HLA-G: variants seen among roughly 807,000 people sequenced by gnomAD.
HLA-G encodes HLA class I histocompatibility antigen, alpha chain G.
In HLA-G, 34 loss-of-function variants were observed where a neutral mutation model predicts 39.3. The observed-to-expected ratio is 0.86, with a 90% CI of 0.66 to 1.15. HLA-G has a LOEUF of 1.15. HLA-G is among the 50% of genes most tolerant of loss of function. The pLI is 0.00. For missense variants in HLA-G, 419 were observed against 456.4 expected (o/e 0.92, Z 0.75); for synonymous variants, 183 against 185.8 (o/e 0.99, Z 0.12).
upstream of HLA-G, chr6:29,827,795 T>C (rs1760793002): frequency 2.5e-6 from 4 of 1,571,636 alleles, no homozygotes; most frequent in East Asian, 9.0e-5. Flanking sequence ...CGGTCCTGGT[T>C]CTAAAGTCCT....
In HLA-G at chr6:29,829,690, T is replaced by C. The variant is rs765275727; in HGVS notation, c.892T>C (p.Trp298Arg). The part of the protein sequence containing the change: ...EGLPEPLMLR[W>R]KQSSLPTIPI... ...GCTGCCGGAGCCCCTCATGCTGAGA[T>C]GGAGTAAGGAGGGAGATGGAGGCAT... The change falls in exon 4 of 7, where the codon TGG becomes CGG. Residue 298 changes from tryptophan (W) to arginine (R), a missense_variant. Around this residue, in one of 2 missense-constraint regions of HLA-G, gnomAD observed 328 missense variants for 323.0 expected, o/e 1.02. Coordinates refer to ENST00000360323, the MANE Select transcript of HLA-G (RefSeq NM_001384290.1). 1 of 1,612,192 alleles carries C rather than the reference T, an allele frequency of 6.2e-7. No homozygotes were observed. Among genetic ancestry groups the C allele is most frequent in the African/African-American group, 1.3e-5 (1 of 74,536 alleles).
upstream of HLA-G, chr6:29,827,755 G>T (rs924682241): frequency 6.8e-6 from 9 of 1,327,518 alleles, no homozygotes; most frequent in Non-Finnish European, 9.7e-6. Flanking sequence ...TTAGGTGACA[G>T]GTTTTTAGAG....
At chr6:29,828,356 C>A (rs773460671) in intron 2 of HLA-G, 40 bp downstream of exon 2, 3 of 1,582,864 alleles carry the variant, frequency 1.9e-6, no homozygotes, top group African/African-American at 1.4e-5. Flanking sequence ...ACGACCCCCA[C>A]CTCCATGCCC....
In HLA-G at chr6:29,827,936, G is replaced by A. The variant is rs769398912; in HGVS notation, c.73+19G>A. 5 of 1,604,784 alleles carry A rather than the reference G, an allele frequency of 3.1e-6. No individual in the cohort carries two copies. The highest frequency in any genetic ancestry group is 1.7e-5 in the Admixed American group (1 of 59,116). On this transcript the variant is annotated intron_variant, in intron 1 of 6. Transcript: ENST00000360323. Reference sequence around the variant, plus strand: ...TGGGCGGGTGAGTGCGGGGTCAGGAGGGAAACAGCCCCTGCGCGGAGGAGG... The same window carrying A: ...TGGGCGGGTGAGTGCGGGGTCAGGAAGGAAACAGCCCCTGCGCGGAGGAGG...
In HLA-G at chr6:29,829,465, G is replaced by A; in HGVS notation, c.667G>A (p.Ala223Thr). 1.9e-6 allele frequency: 3 copies of A among 1,613,834 alleles called. No homozygotes were observed. Among genetic ancestry groups the A allele is most frequent in the Non-Finnish European group, 2.5e-6 (3 of 1,179,860 alleles). The change falls in exon 4 of 7, where the codon GCC (alanine) becomes ACC (threonine). Residue 223 changes from alanine (A) to threonine (T), a missense_variant. By Grantham distance (58) the Ala-to-Thr change is moderately conservative. Around this residue, in one of 2 missense-constraint regions of HLA-G, gnomAD observed 328 missense variants for 323.0 expected, o/e 1.02. Transcript: ENST00000360323. Reference sequence around the variant, plus strand: ...CCACCACCCTGTCTTTGACTATGAGGCCACCCTGAGGTGCTGGGCCCTGGG... The same window carrying A: ...CCACCACCCTGTCTTTGACTATGAGACCACCCTGAGGTGCTGGGCCCTGGG... ...VTHHPVFDYE[A>T]TLRCWALGFY...
upstream of HLA-G, chr6:29,826,855 G>A (rs562500258): frequency 3.1e-5 from 12 of 383,776 alleles, no homozygotes; most frequent in East Asian, 8.8e-4. Flanking sequence ...ACTCACATGT[G>A]GATACTTCCT....
rs745630585 is a variant in HLA-G at position 29,829,854 on chromosome 6, G to T, written c.934G>T (p.Val312Phe). 1 of 1,613,978 alleles carries T rather than the reference G, an allele frequency of 6.2e-7. No individual in the cohort carries two copies. The highest frequency in any genetic ancestry group is 8.5e-7 in the Non-Finnish European group (1 of 1,179,932). Residue 312 changes from valine (V) to phenylalanine (F), a missense_variant, in exon 5 of 7, where the codon GTT becomes TTT. By Grantham distance (50) the Val-to-Phe change is conservative (BLOSUM62 -1). Around this residue, in one of 2 missense-constraint regions of HLA-G, gnomAD observed 328 missense variants for 323.0 expected, o/e 1.02. Transcript: ENST00000360323. ...GCCCACCATCCCCATCATGGGTATC[G>T]TTGCTGGCCTGGTTGTCCTTGCAGC... Reference protein sequence around the residue: ...SLPTIPIMGIVAGLVVLAAVV... With the variant: ...SLPTIPIMGIFAGLVVLAAVV...
rs41555713 is a variant in HLA-G at position 29,828,252 on chromosome 6, C to A, written c.279C>A (p.Ala93=). ...YWEEETRNTK[A]HAQTDRMNLQ... ...AAGAGGAGACACGGAACACCAAGGC[C>A]CACGCACAGACTGACAGAATGAACC... The change falls in exon 2 of 7, where the codon GCC becomes GCA. Residue 93 remains alanine, a synonymous_variant. Transcript: ENST00000360323. 5 of 1,613,484 alleles carry A rather than the reference C, an allele frequency of 3.1e-6. No individual in the cohort carries two copies. The highest frequency in any genetic ancestry group is 4.2e-6 in the Non-Finnish European group (5 of 1,179,852).
rs536339156 is a variant in HLA-G at position 29,828,665 on chromosome 6, T to A, written c.466T>A (p.Ser156Thr). The A allele has an allele frequency of 6.2e-7, 1 of 1,613,504 alleles. No individual in the cohort carries two copies. Among genetic ancestry groups the A allele is most frequent in the African/African-American group, 1.3e-5 (1 of 75,042 alleles). The change falls in exon 3 of 7, where the codon TCC (serine) becomes ACC (threonine). Residue 156 changes from serine (S) to threonine (T), a missense_variant. By Grantham distance (58) the Ser-to-Thr change is moderately conservative. Transcript: ENST00000360323. ...CCTCGCCCTGAACGAGGACCTGCGCTCCTGGACCGCAGCGGACACTGCGGC... is the reference window on the plus strand; with the variant it reads ...CCTCGCCCTGAACGAGGACCTGCGCACCTGGACCGCAGCGGACACTGCGGC... ...DYLALNEDLR[S>T]WTAADTAAQI...
chr6:29,827,577 G>A (rs1760773993), upstream of HLA-G: 1 of 489,338 alleles, frequency 2.0e-6, no homozygotes, highest in African/African-American at 2.0e-5. Flanking sequence ...GAGTAGCGGG[G>A]TCAGGGCGAA....
chr6:29,828,076 G>A lies in HLA-G; in HGVS notation c.103G>A (p.Ala35Thr). Residue 35 changes from alanine to threonine, a missense_variant, in exon 2 of 7, where the codon GCC becomes ACC. Coordinates refer to ENST00000360323, the MANE Select transcript of HLA-G (RefSeq NM_001384290.1). The stretch of plus-strand genomic sequence containing the variant: ...CCACTCCATGAGGTATTTCAGCGCC[G>A]CCGTGTCCCGGCCCGGCCGCGGGGA... Reference protein sequence around the residue: ...GSHSMRYFSAAVSRPGRGEPR... With the variant: ...GSHSMRYFSATVSRPGRGEPR... The A allele has an allele frequency of 2.5e-6, 4 of 1,586,280 alleles. No individual in the cohort carries two copies. The highest frequency in any genetic ancestry group is 3.4e-6 in the Non-Finnish European group (4 of 1,169,944).
intron 3 of HLA-G, 30 bp from the exon 4 acceptor site, chr6:29,829,388 G>T: frequency 6.2e-7 from 1 of 1,607,744 alleles, no homozygotes; most frequent in Non-Finnish European, 8.5e-7. Flanking sequence ...GAGATGCAAA[G>T]TGCTTGAATT....
chr6:29,827,540 G>A, upstream of HLA-G: 1 of 413,366 alleles, frequency 2.4e-6, no homozygotes, highest in Non-Finnish European at 4.6e-6. Flanking sequence ...GACTCAGGGA[G>A]ACACTGAGAC....
chr6:29,830,591 G>C (rs751009324), intron 6 of HLA-G, 177 bp from the exon 7 acceptor site: 11 of 760,826 alleles, frequency 1.4e-5, no homozygotes, highest in Non-Finnish European at 2.7e-5. Context: ...GTCTCTCACG[G>C]CTTGTAAATG....
intron 2 of HLA-G, 88 bp downstream of exon 2, chr6:29,828,404 G>C (rs1266390798): frequency 9.7e-6 from 15 of 1,551,750 alleles, no homozygotes; most frequent in African/African-American, 1.4e-5. Flanking sequence ...TCCGGGTCTG[G>C]GATCCACCCC....
At position 29,829,674 on chromosome 6, in the gene HLA-G, GCC is replaced by G; in HGVS notation, c.879_880del (p.Leu294HisfsTer125). 6.2e-7 allele frequency: 1 copy of G among 1,613,074 alleles called. No individual in the cohort carries two copies. Among genetic ancestry groups the G allele is most frequent in the Non-Finnish European group, 8.5e-7 (1 of 1,179,768 alleles). On this transcript the variant is annotated frameshift_variant, in exon 4 of 7. Transcript: ENST00000360323. LOFTEE classifies it high-confidence loss of function. ...CHVQHEGLPE[P>X]LMLRWKQSSL... ...ATGTGCAGCATGAGGGGCTGCCGGAGCCCCTCATGCTGAGATGGAGTAAGGAG... is the reference window on the plus strand; with the variant it reads ...ATGTGCAGCATGAGGGGCTGCCGGAGCCTCATGCTGAGATGGAGTAAGGAG...
Position 29,828,133 on chromosome 6 carries a change from G to C in HLA-G, c.160G>C (p.Asp54His). Residue 54 changes from aspartate to histidine, a missense_variant, in exon 2 of 7, where the codon GAC becomes CAC. Asp to His is a moderately conservative substitution (Grantham distance 81). Around this residue, in one of 2 missense-constraint regions of HLA-G, gnomAD observed 91 missense variants for 133.4 expected, o/e 0.68. Coordinates refer to ENST00000360323, the MANE Select transcript of HLA-G (RefSeq NM_001384290.1). ...PRFIAMGYVD[D>H]TQFVRFDSDS... ...CTTCATCGCCATGGGCTACGTGGAC[G>C]ACACGCAGTTCGTGCGGTTCGACAG... 1 of 1,613,220 alleles carries C rather than the reference G, an allele frequency of 6.2e-7. No homozygotes were observed. Among genetic ancestry groups the C allele is most frequent in the Admixed American group, 1.7e-5 (1 of 60,006 alleles).
chr6:29,829,982 G>C, intron 5 of HLA-G, 50 bp downstream of exon 5: 6 of 1,326,298 alleles, frequency 4.5e-6, no homozygotes, highest in African/African-American at 1.4e-5. Flanking sequence ...CCCACTGGGG[G>C]TTTCAAGCCC....
Position 29,827,873 on chromosome 6 carries a change from T to G in HLA-G, c.29T>G (p.Phe10Cys). Residue 10 changes from phenylalanine to cysteine, a missense_variant, in exon 1 of 7, where the codon TTC (phenylalanine) becomes TGC (cysteine). Phe to Cys is a radical substitution (Grantham distance 205, BLOSUM62 -2). Transcript: ENST00000360323. ...GTGGTCATGGCGCCCCGAACCCTCT[T>G]CCTGCTGCTCTCGGGGGCCCTGACC... is the stretch of plus-strand genomic sequence containing the variant. The part of the protein sequence containing the change: MVVMAPRTL[F>C]LLLSGALTLT... 1 of 1,613,132 alleles carries G rather than the reference T, an allele frequency of 6.2e-7. No individual in the cohort carries two copies. Among genetic ancestry groups the G allele is most frequent in the African/African-American group, 1.3e-5 (1 of 74,866 alleles).
Sources: allele counts gnomAD v4.1 joint callset, GRCh38; gene constraint gnomAD v4.1.1; regional missense constraint gnomAD v4.1.1; transcripts MANE v1.5; gene names NCBI Gene and HGNC (gene_info 2026-07-23, HGNC 2026-07-21).